LRRK1: variants seen among roughly 807,000 people sequenced by gnomAD.
LRRK1 encodes leucine-rich repeat serine/threonine-protein kinase 1.
LRRK1 carries 113 observed loss-of-function variants against 209.1 expected under a neutral mutation model. The ratio of observed to expected loss-of-function variants is 0.54; its 90% CI spans 0.46 to 0.63. The LOEUF (loss-of-function observed/expected upper bound fraction) is 0.63, where lower values mean the gene tolerates loss of function less well. LRRK1 is among the 30% of genes least tolerant of loss of function. LRRK1 has a pLI of 0.00. For synonymous variants in LRRK1, 1,144 were observed against 1,099.7 expected (o/e 1.04, Z -0.80); for missense variants, 2,284 against 2,632.2 (o/e 0.87, Z 2.89).
chr15:100,945,073 C>T (rs1026596118), intron 2 of LRRK1, among the ~76,000 whole-genome samples: 1 of 152,208 alleles, frequency 6.6e-6, no homozygotes, highest in African/African-American at 2.4e-5. Context: ...GTTATACAGG[C>T]GGTCTCCTCT....
At chr15:100,973,392 C>A (rs1195229720) in intron 2 of LRRK1, among the ~76,000 whole-genome samples, 2 of 152,230 alleles carry the variant, frequency 1.3e-5, no homozygotes, top group Non-Finnish European at 2.9e-5. Context: ...ATGTCCACAC[C>A]CCCGGGAGGT....
intron 3 of LRRK1, among the ~76,000 whole-genome samples, chr15:100,976,575 G>A (rs1297339495): frequency 6.6e-6 from 1 of 152,198 alleles, no homozygotes; most frequent in East Asian, 1.9e-4. Flanking sequence ...ATGCTACTAG[G>A]AAGGTACTAG....
chr15:100,923,669 A>C (rs2042058564), intron 1 of LRRK1, among the ~76,000 whole-genome samples: 2 of 152,210 alleles, frequency 1.3e-5, no homozygotes, highest in Admixed American at 6.5e-5. Context: ...CCCAGCATAG[A>C]AGAGCAGCAC....
intron 20 of LRRK1, among the ~76,000 whole-genome samples, chr15:101,039,761 A>G (rs1285128524): frequency 6.6e-6 from 1 of 152,200 alleles, no homozygotes; most frequent in Non-Finnish European, 1.5e-5. Context: ...GTTCCCTTTT[A>G]TTCCCAGTTT....
In LRRK1 at chr15:101,075,237, A is replaced by T; in HGVS notation, c.*6389A>T. Reference sequence around the variant, plus strand: ...TTAAAACTCCCCAACTCTGGTGCCAACTTAGACAATACTCTTTTAAGCACT... The same window carrying T: ...TTAAAACTCCCCAACTCTGGTGCCATCTTAGACAATACTCTTTTAAGCACT... On this transcript the variant is annotated 3_prime_UTR_variant, in exon 34 of 34. Coordinates refer to ENST00000388948, the MANE Select transcript of LRRK1 (RefSeq NM_024652.6). 3.7e-5 allele frequency: 1 copy of T among 26,942 alleles called. No homozygotes were observed. The highest frequency in any genetic ancestry group is 7.3e-5 in the Non-Finnish European group (1 of 13,668). 1.7% of individuals were successfully genotyped at this position (26,942 alleles called of 1,614,324 possible). A position where few individuals can be genotyped will look rare whatever the true frequency, so the allele number is the denominator to read the frequency against.
chr15:101,014,252 G>A, intron 10 of LRRK1, 64 bp from the exon 11 acceptor site: 1 of 1,192,212 alleles, frequency 8.4e-7, no homozygotes, highest in South Asian at 1.3e-5. Context: ...TGGCTCTTCA[G>A]TCTCCCCTCC....
Position 101,061,225 on chromosome 15 carries a change from C to T in LRRK1, c.4734C>T (p.Cys1578=). 1.9e-6 allele frequency: 3 copies of T among 1,614,170 alleles called. No individual in the cohort carries two copies. In the East Asian group the frequency reaches 6.7e-5, roughly 36 times the overall value. The change falls in exon 30 of 34, where the codon TGC becomes TGT. Residue 1578 remains cysteine, a synonymous_variant. Coordinates refer to ENST00000388948, the MANE Select transcript of LRRK1 (RefSeq NM_024652.6). ...GCCTCATGGAGGTGCAGAGGATGTG[C>T]TGCCCTGGGATGAAGGTGAGCTGCC... is the stretch of plus-strand genomic sequence containing the variant. ...EKGLMEVQRM[C]CPGMKVSCQL...
chr15:101,069,389 A>C lies in LRRK1; in HGVS notation c.*541A>C, dbSNP rs886326881. The C allele has an allele frequency of 6.5e-6, 1 of 152,810 alleles. No homozygotes were observed. Among genetic ancestry groups the C allele is most frequent in the East Asian group, 1.9e-4 (1 of 5,198 alleles). 9.5% of individuals were successfully genotyped at this position (152,810 alleles called of 1,614,324 possible). A position where few individuals can be genotyped will look rare whatever the true frequency, so the allele number is the denominator to read the frequency against. On this transcript the variant is annotated 3_prime_UTR_variant, in exon 34 of 34. Coordinates refer to ENST00000388948, the MANE Select transcript of LRRK1 (RefSeq NM_024652.6). ...GCCAGCTTGGGCAAGCCAAGATCAG[A>C]TGTCTCTGTGTTCGGGAAGGTCTCC...
In LRRK1 at chr15:100,973,888, C is replaced by T. The variant is rs1350030008; in HGVS notation, c.182C>T (p.Ala61Val). Residue 61 changes from alanine to valine, a missense_variant, in exon 3 of 34, where the codon GCG becomes GTG. Ala to Val is a moderately conservative substitution (Grantham distance 64). Coordinates refer to ENST00000388948, the MANE Select transcript of LRRK1 (RefSeq NM_024652.6). ...CGCAGGACGGAAGGCATCCGCGCCG[C>T]GTACAGGCGGGGAGACCGCGGCGGC... The part of the protein sequence containing the change: ...RSRRTEGIRA[A>V]YRRGDRGGAR... The T allele has an allele frequency of 2.3e-6, 3 of 1,277,458 alleles. No individual in the cohort carries two copies. The East Asian group carries it at 9.4e-5, about 40-fold the overall frequency. The allele number at this position is 1,277,458 out of a possible 1,614,324, so 79.1% of individuals were successfully genotyped here.
rs1359017884 is a variant in LRRK1, at chr15:101,065,967, T to A, written c.5530T>A (p.Tyr1844Asn). The A allele has an allele frequency of 3.7e-6, 6 of 1,614,148 alleles. No homozygotes were observed. The highest frequency in any genetic ancestry group is 5.1e-6 in the Non-Finnish European group (6 of 1,180,014). Residue 1844 changes from tyrosine (Y) to asparagine (N), a missense_variant, in exon 32 of 34, where the codon TAC becomes AAC. Physicochemically the swap from Tyr to Asn is moderately radical, Grantham distance 143. Transcript: ENST00000388948. ...CACTGACTACTGCTCCATGTCCTCC[T>A]ACTCCTCATCCCCACCCCGCCAGGC... ...SLTDYCSMSS[Y>N]SSSPPRQAAR... is the part of the protein sequence containing the mutation.
intron 2 of LRRK1, among the ~76,000 whole-genome samples, chr15:100,946,760 C>G (rs971039080): frequency 6.6e-6 from 1 of 152,204 alleles, no homozygotes; most frequent in African/African-American, 2.4e-5. Flanking sequence ...TTTCTAAGCA[C>G]AGCACCAAAC....
intron 28 of LRRK1, 105 bp downstream of exon 28, chr15:101,057,155 AC>A: frequency 2.2e-6 from 2 of 912,482 alleles, no homozygotes; most frequent in South Asian, 1.8e-5. Flanking sequence ...ACCATTGGCA[AC>A]CCTTCTCTGC....
intron 31 of LRRK1, chr15:101,064,408 CCCA>C (rs1385499597): frequency 6.5e-6 from 1 of 153,188 alleles, no homozygotes; most frequent in Non-Finnish European, 1.5e-5. Flanking sequence ...TCTTCCCACC[CCCA>C]CCACAGCCGA....
rs1178672341 is a variant in LRRK1, at chr15:101,055,025, C to A, written c.4134C>A (p.His1378Gln). ...YQIASGLAYLHKKNIIFCDLK... is the reference protein window; with the variant it reads ...YQIASGLAYLQKKNIIFCDLK... ...TCGCCTCGGGCCTGGCCTACCTGCA[C>A]AAGAAAAACATCATCTTCTGTGACC... Residue 1378 changes from histidine (H) to glutamine (Q), a missense_variant, in exon 27 of 34, where the codon CAC (histidine) becomes CAA (glutamine). By Grantham distance (24) the His-to-Gln change is conservative (BLOSUM62 0). Around this residue, in one of 6 missense-constraint regions of LRRK1, gnomAD observed 780 missense variants for 985.2 expected, o/e 0.79. Coordinates refer to ENST00000388948, the MANE Select transcript of LRRK1 (RefSeq NM_024652.6). 8.1e-6 allele frequency: 13 copies of A among 1,614,168 alleles called. No individual in the cohort carries two copies. The highest frequency in any genetic ancestry group is 1.1e-5 in the Non-Finnish European group (13 of 1,180,022).
chr15:100,973,894 G>A lies in LRRK1; in HGVS notation c.188G>A (p.Arg63Lys), dbSNP rs915826670. The part of the protein sequence containing the change: ...RRTEGIRAAY[R>K]RGDRGGARDL... ...ACGGAAGGCATCCGCGCCGCGTACAGGCGGGGAGACCGCGGCGGCGCCCGG... is the reference window on the plus strand; with the variant it reads ...ACGGAAGGCATCCGCGCCGCGTACAAGCGGGGAGACCGCGGCGGCGCCCGG... Residue 63 changes from arginine (R) to lysine (K), a missense_variant, in exon 3 of 34, where the codon AGG becomes AAG. By Grantham distance (26) the Arg-to-Lys change is conservative. Transcript: ENST00000388948. The A allele has an allele frequency of 1.3e-5, 17 of 1,272,000 alleles. No homozygotes were observed. Among genetic ancestry groups the A allele is most frequent in the African/African-American group, 1.2e-4 (8 of 64,596 alleles). The allele number at this position is 1,272,000 out of a possible 1,614,324, so 78.8% of individuals were successfully genotyped here.
intron 2 of LRRK1, among the ~76,000 whole-genome samples, chr15:100,963,620 A>G (rs1383541229): frequency 6.6e-6 from 1 of 152,254 alleles, no homozygotes; most frequent in Non-Finnish European, 1.5e-5. Flanking sequence ...GGACCTCTGC[A>G]GAAGTCCTGG....
At chr15:100,941,458 ATGTCTCTGTG>A (rs2042430943) in intron 2 of LRRK1, among the ~76,000 whole-genome samples, 2 of 45,818 alleles carry the variant, frequency 4.4e-5, no homozygotes, top group African/African-American at 1.7e-4. Context: ...GTGTGTGTCT[ATGTCTCTGTG>A]TGTGTGTGTG....
intron 31 of LRRK1, among the ~76,000 whole-genome samples, chr15:101,064,025 G>A (rs1425897233): frequency 6.6e-6 from 1 of 152,236 alleles, no homozygotes; most frequent in Non-Finnish European, 1.5e-5. Flanking sequence ...AGGGCCTCCT[G>A]GGCAGGGTGT....
intron 6 of LRRK1, among the ~76,000 whole-genome samples, chr15:100,999,582 G>C (rs1402651933): frequency 3.3e-5 from 5 of 152,142 alleles, no homozygotes; most frequent in Admixed American, 3.3e-4. Context: ...AAAGTAACTG[G>C]TTTTGACTCA....
Sources: gnomAD v4.1 joint callset for allele counts (sites outside exome capture counted in the v4.1 genomes callset) on GRCh38, gnomAD v4.1.1 for gene constraint, gnomAD v4.1.1 regional missense constraint, MANE v1.5 for transcripts, NCBI Gene and HGNC (gene_info 2026-07-23, HGNC 2026-07-21) for gene names.